Variants in SORCS1 observed in about 807,000 individuals in gnomAD.
The protein encoded by SORCS1 is VPS10 domain-containing receptor SorCS1.
In SORCS1, 60 loss-of-function variants were observed where a neutral mutation model predicts 146.1. That is an observed-to-expected ratio of 0.41 (90% CI 0.33 to 0.51). SORCS1 has a LOEUF of 0.51. Among genes scored for constraint, SORCS1 ranks in the 20% least tolerant of loss-of-function variants. SORCS1 has a pLI of 0.21. For synonymous variants in SORCS1, 637 were observed against 584.0 expected (o/e 1.09, Z -1.31); for missense variants, 1,352 against 1,487.6 (o/e 0.91, Z 1.50).
intron 2 of SORCS1, among the ~76,000 whole-genome samples, chr10:106,912,456 A>G (rs1210821062): frequency 6.6e-6 from 1 of 152,106 alleles, no homozygotes; most frequent in African/African-American, 2.4e-5. Flanking sequence ...AGCAATCAGA[A>G]TCTCTGTTTG....
intron 4 of SORCS1, among the ~76,000 whole-genome samples, chr10:106,766,303 A>ATGGCC (rs1285598789): frequency 6.6e-6 from 1 of 152,176 alleles, no homozygotes; most frequent in Non-Finnish European, 1.5e-5. Context: ...TGCCCTGGGG[A>ATGGCC]TGGCCTGGGT....
chr10:106,730,246 A>C, intron 5 of SORCS1, 132 bp from the exon 6 acceptor site: 1 of 707,384 alleles, frequency 1.4e-6, no homozygotes, highest in South Asian at 1.8e-5. Context: ...GAATATATCT[A>C]CTCTATGTAT....
chr10:106,695,024 G>A (rs1853588280), intron 9 of SORCS1, among the ~76,000 whole-genome samples: 2 of 152,064 alleles, frequency 1.3e-5, no homozygotes, highest in South Asian at 4.1e-4. Context: ...TCTTCTCACA[G>A]ACACTCAGCA....
rs368621996 is a variant in SORCS1, at chr10:106,764,952, T to C, written c.886-3291A>G. ...GCAGGAGGATGGTGTGAACCTGGGA[T>C]GTGGAGCTTGCAGTGAGCCGAGATC... On this transcript the variant is annotated intron_variant, in intron 4 of 25. Transcript: ENST00000263054. 2.1e-5 allele frequency among the ~76,000 whole-genome samples: 3 copies of C among 142,810 alleles called. No individual in the cohort carries two copies. The South Asian group carries it at 6.5e-4, about 31-fold the overall frequency. 93.7% of individuals were successfully genotyped at this position (142,810 alleles called of 152,430 possible).
intron 2 of SORCS1, among the ~76,000 whole-genome samples, chr10:106,902,123 A>G (rs1247468243): frequency 6.6e-6 from 1 of 152,196 alleles, no homozygotes; most frequent in Non-Finnish European, 1.5e-5. Flanking sequence ...ATACTCATGT[A>G]ATTAGTAAAA....
At chr10:107,155,154 T>C (rs575593743) in intron 1 of SORCS1, among the ~76,000 whole-genome samples, 4 of 152,362 alleles carry the variant, frequency 2.6e-5, no homozygotes, top group Admixed American at 6.5e-5. Flanking sequence ...GTGTGATTTA[T>C]AGAGCCTTAC....
chr10:106,806,127 T>TG (rs1947155753), intron 3 of SORCS1, among the ~76,000 whole-genome samples: 1 of 150,232 alleles, frequency 6.7e-6, no homozygotes, highest in South Asian at 2.1e-4. Flanking sequence ...CCCAGCACTT[T>TG]GGGAGGCCAA....
At chr10:106,720,272 G>T (rs1855689638) in intron 6 of SORCS1, among the ~76,000 whole-genome samples, 1 of 151,984 alleles carries the variant, frequency 6.6e-6, no homozygotes, top group Non-Finnish European at 1.5e-5. Flanking sequence ...AATATTTTTT[G>T]AATGAATGAA....
chr10:106,651,366 C>A (rs1442502431), intron 18 of SORCS1, among the ~76,000 whole-genome samples: 1 of 152,128 alleles, frequency 6.6e-6, no homozygotes, highest in African/African-American at 2.4e-5. Context: ...TCTTGAAGCA[C>A]AATGCACAAT....
At chr10:106,730,249 C>T (rs188514012) in intron 5 of SORCS1, 135 bp from the exon 6 acceptor site, 1 of 699,246 alleles carries the variant, frequency 1.4e-6, no homozygotes, top group East Asian at 2.7e-5. Context: ...TATATCTACT[C>T]TATGTATTTA....
At chr10:107,114,529 G>T (rs1361218864) in intron 1 of SORCS1, among the ~76,000 whole-genome samples, 1 of 152,074 alleles carries the variant, frequency 6.6e-6, no homozygotes, top group Non-Finnish European at 1.5e-5. Context: ...CTCAACATAT[G>T]CAGAAAAAGC....
chr10:106,882,217 G>A (rs929705234), intron 2 of SORCS1, among the ~76,000 whole-genome samples: 4 of 151,906 alleles, frequency 2.6e-5, no homozygotes. Flanking sequence ...ATTGGACGAA[G>A]AAGAATTGTC....
chr10:106,634,608 G>T (rs757664459), intron 18 of SORCS1, among the ~76,000 whole-genome samples: 6 of 152,152 alleles, frequency 3.9e-5, no homozygotes, highest in Non-Finnish European at 8.8e-5. Flanking sequence ...CAAGAGGAAG[G>T]TGGTAACAAA....
At chr10:107,018,444 C>T (rs1217742626) in intron 1 of SORCS1, among the ~76,000 whole-genome samples, 1 of 152,004 alleles carries the variant, frequency 6.6e-6, no homozygotes, top group African/African-American at 2.4e-5. Flanking sequence ...CCTTGGCCTC[C>T]CAAAGTGCTA....
At chr10:106,902,489 T>G (rs1256687851) in intron 2 of SORCS1, among the ~76,000 whole-genome samples, 1 of 152,066 alleles carries the variant, frequency 6.6e-6, no homozygotes, top group Non-Finnish European at 1.5e-5. Context: ...TTTTGAAAAC[T>G]AAAAAATGGC....
At chr10:106,638,766 T>C (rs931481545) in intron 18 of SORCS1, among the ~76,000 whole-genome samples, 4 of 152,308 alleles carry the variant, frequency 2.6e-5, no homozygotes, top group Admixed American at 2.6e-4. Context: ...AGGTGCTGTA[T>C]GTGAAAGAGG....
chr10:106,864,314 C>A (rs1461976835), intron 2 of SORCS1, among the ~76,000 whole-genome samples: 6 of 152,128 alleles, frequency 3.9e-5, no homozygotes. Flanking sequence ...TAACCTCCCC[C>A]GCCCAGGGAA....
At chr10:106,690,163 C>T (rs1365342525) in intron 9 of SORCS1, among the ~76,000 whole-genome samples, 1 of 152,188 alleles carries the variant, frequency 6.6e-6, no homozygotes, top group African/African-American at 2.4e-5. Context: ...ATTTACTACA[C>T]CAGCTCCGCA....
intron 1 of SORCS1, among the ~76,000 whole-genome samples, chr10:107,016,234 A>G (rs1957892240): frequency 6.6e-6 from 1 of 152,246 alleles, no homozygotes; most frequent in African/African-American, 2.4e-5. Flanking sequence ...GTTGCACTGT[A>G]GAATAGTCAG....
Sources: allele counts gnomAD v4.1 joint callset (sites outside exome capture counted in the v4.1 genomes callset), GRCh38; gene constraint gnomAD v4.1.1; transcripts MANE v1.5; gene names NCBI Gene and HGNC (gene_info 2026-07-23, HGNC 2026-07-21).